ARHGEF10: variants seen among roughly 807,000 people sequenced by gnomAD.
ARHGEF10 encodes Rho guanine nucleotide exchange factor (GEF) 10.
A neutral mutation model predicts 147.4 loss-of-function variants in ARHGEF10; 140 were observed. The ratio of observed to expected loss-of-function variants is 0.95; its 90% confidence interval spans 0.83 to 1.09. The LOEUF (loss-of-function observed/expected upper bound fraction) is 1.09. Among genes scored for constraint, ARHGEF10 ranks in the 50% least tolerant of loss-of-function variants. ARHGEF10 has a pLI of 0.00. For missense variants in ARHGEF10, 2,222 were observed against 1,752.7 expected (o/e 1.27, Z -4.78); for synonymous variants, 902 against 695.8 (o/e 1.30, Z -4.67).
rs1563162040 is a variant in ARHGEF10 at position 1,842,006 on chromosome 8, TGGGG to T, written c.-47-1346_-47-1343del. 3.7e-3 allele frequency among the ~76,000 whole-genome samples: 273 copies of T among 73,408 alleles called. 16 individuals carry two copies. Among genetic ancestry groups the T allele is most frequent in the East Asian group, 0.014 (32 of 2,348 alleles). The allele number at this position is 73,408 out of a possible 152,430, so 48.2% of individuals were successfully genotyped here. The stretch of plus-strand genomic sequence containing the variant: ...CGGGAACTGGGGCCGCGGCGGGAAC[TGGGG>T]CCGCGGCGGGAACTGGGGCCGCGGC... On this transcript the variant is annotated intron_variant, in intron 1 of 28. Coordinates refer to ENST00000349830, the MANE Select transcript of ARHGEF10 (RefSeq NM_014629.4).
chr8:1,839,975 A>G (rs1168252910), intron 1 of ARHGEF10, among the ~76,000 whole-genome samples: 12 of 90,062 alleles, frequency 1.3e-4, no homozygotes, highest in East Asian at 3.6e-4. Flanking sequence ...TCTGGTGTGG[A>G]AGCTGTCTGG....
At chr8:1,859,217 C>G (rs1488328802) in intron 3 of ARHGEF10, among the ~76,000 whole-genome samples, 1 of 151,784 alleles carries the variant, frequency 6.6e-6, no homozygotes, top group African/African-American at 2.4e-5. Context: ...TTGGCCATAG[C>G]ACCTGCCTCT....
At position 1,913,983 on chromosome 8, in the gene ARHGEF10, G is replaced by A. The variant is rs978642903; in HGVS notation, c.2143+4513G>A. Among the ~76,000 whole-genome samples the A allele has an allele frequency of 7.2e-5, 11 of 152,194 alleles. No individual in the cohort carries two copies. In the South Asian group the frequency reaches 1.2e-3, roughly 17 times the overall value. ...CTTCCAGGCAAACGCGGAAAGGGTCGTGGGTGAGGTCACAGAGTTGAGGGA... is the reference window on the plus strand; with the variant it reads ...CTTCCAGGCAAACGCGGAAAGGGTCATGGGTGAGGTCACAGAGTTGAGGGA... On this transcript the variant is annotated intron_variant, in intron 18 of 28. Coordinates refer to ENST00000349830, the MANE Select transcript of ARHGEF10 (RefSeq NM_014629.4).
At chr8:1,864,084 G>A (rs1166100244) in intron 4 of ARHGEF10, among the ~76,000 whole-genome samples, 3 of 151,956 alleles carry the variant, frequency 2.0e-5, no homozygotes, top group South Asian at 2.1e-4. Flanking sequence ...ATGTGGAGTG[G>A]GAGAGAACAT....
chr8:1,873,911 G>T (rs908788791), intron 7 of ARHGEF10, among the ~76,000 whole-genome samples: 1 of 151,946 alleles, frequency 6.6e-6, no homozygotes, highest in Non-Finnish European at 1.5e-5. Flanking sequence ...CTTTCGGTCA[G>T]TTCAGCACGT....
chr8:1,933,891 G>C lies in ARHGEF10; in HGVS notation c.3171G>C (p.Ala1057=), dbSNP rs150276005. Reference sequence around the variant, plus strand: ...TCATGATGGAAGACACGTTGTGGGCGGCTTCCGGAGGTCAAGTCTTCATCA... The same window carrying C: ...TCATGATGGAAGACACGTTGTGGGCCGCTTCCGGAGGTCAAGTCTTCATCA... ...SLLMMEDTLW[A]ASGGQVFIIS... Residue 1057 remains alanine (A), a synonymous_variant, in exon 26 of 29, where the codon GCG becomes GCC. Transcript: ENST00000349830. The C allele has an allele frequency of 2.5e-6, 4 of 1,614,062 alleles. No individual in the cohort carries two copies. Among genetic ancestry groups the C allele is most frequent in the Non-Finnish European group, 3.4e-6 (4 of 1,180,044 alleles).
At chr8:1,935,836 G>A (rs996533258) in intron 26 of ARHGEF10, among the ~76,000 whole-genome samples, 2 of 152,250 alleles carry the variant, frequency 1.3e-5, no homozygotes, top group African/African-American at 2.4e-5. Context: ...GCGGGAGGAG[G>A]CCCAAACTCT....
At chr8:1,859,756 C>G (rs752403099) in intron 3 of ARHGEF10, 141 bp from the exon 4 acceptor site, 3 of 1,030,504 alleles carry the variant, frequency 2.9e-6, no homozygotes, top group Non-Finnish European at 2.9e-6. Context: ...CCGAGGCCAC[C>G]TGATGACCTG....
intron 4 of ARHGEF10, among the ~76,000 whole-genome samples, chr8:1,863,787 C>T (rs1806351035): frequency 6.6e-6 from 1 of 152,074 alleles, no homozygotes; most frequent in Non-Finnish European, 1.5e-5. Context: ...TCACCGTTCA[C>T]CCTGGAGAGC....
At chr8:1,949,693 A>G (rs1585655805) in intron 27 of ARHGEF10, among the ~76,000 whole-genome samples, 1 of 152,116 alleles carries the variant, frequency 6.6e-6, no homozygotes, top group Non-Finnish European at 1.5e-5. Context: ...AAAACGTGTA[A>G]CTTTTCTGAA....
At position 1,832,901 on chromosome 8, in the gene ARHGEF10, CAG is replaced by C. The variant is rs1456795550; in HGVS notation, c.-48+8794_-48+8795del. On this transcript the variant is annotated intron_variant, in intron 1 of 28. Transcript: ENST00000349830. ...AGAGAGACAGAGGCAGACGCAGAGA[CAG>C]AGAGACAGACAGAGGCAGAGACAGA... is the stretch of plus-strand genomic sequence containing the variant. Among the ~76,000 whole-genome samples, 514 of 62,066 alleles carry C rather than the reference CAG, an allele frequency of 8.3e-3. 98 individuals are homozygous for C. The highest frequency in any genetic ancestry group is 0.032 in the African/African-American group (455 of 14,086). The allele number at this position is 62,066 out of a possible 152,430, so 40.7% of individuals were successfully genotyped here. A position where few individuals can be genotyped will look rare whatever the true frequency, so the allele number is the denominator to read the frequency against.
In ARHGEF10 at chr8:1,910,642, G is replaced by C. The variant is rs567828640; in HGVS notation, c.2143+1172G>C. ...CCGAGGGAGAGGGGACATGGGGACA[G>C]AGAAATCATTTCTGACATGATTCAT... On this transcript the variant is annotated intron_variant, in intron 18 of 28. Transcript: ENST00000349830. Among the ~76,000 whole-genome samples, 13 of 152,296 alleles carry C rather than the reference G, an allele frequency of 8.5e-5. No homozygotes were observed. The South Asian group carries it at 2.7e-3, about 32-fold the overall frequency.
intron 1 of ARHGEF10, among the ~76,000 whole-genome samples, chr8:1,834,008 C>G (rs1001064809): frequency 6.6e-6 from 1 of 152,220 alleles, no homozygotes; most frequent in Non-Finnish European, 1.5e-5. Flanking sequence ...AGCTCCAGCC[C>G]TCCCGGGGAA....
intron 9 of ARHGEF10, among the ~76,000 whole-genome samples, chr8:1,882,187 G>A (rs897219551): frequency 6.6e-6 from 1 of 152,240 alleles, no homozygotes; most frequent in Non-Finnish European, 1.5e-5. Context: ...GTAACCATGC[G>A]TGTGAGGCGG....
At position 1,860,170 on chromosome 8, in the gene ARHGEF10, C is replaced by G. The variant is rs1374200557; in HGVS notation, c.467C>G (p.Ser156Cys). 6.2e-7 allele frequency: 1 copy of G among 1,613,206 alleles called. No individual in the cohort carries two copies. The highest frequency in any genetic ancestry group is 1.1e-5 in the South Asian group (1 of 91,064). ...AGCCCGGTCATCATCTGCGCCACGT[C>G]CCTGGACGAAGAAGGTACTGCTACC... Reference protein sequence around the residue: ...YSSPVIICATSLDEEETPEVT... With the variant: ...YSSPVIICATCLDEEETPEVT... Residue 156 changes from serine to cysteine, a missense_variant, in exon 4 of 29, where the codon TCC (serine) becomes TGC (cysteine). Coordinates refer to ENST00000349830, the MANE Select transcript of ARHGEF10 (RefSeq NM_014629.4).
intron 18 of ARHGEF10, among the ~76,000 whole-genome samples, chr8:1,915,071 T>C (rs1367757202): frequency 1.3e-5 from 2 of 152,084 alleles, no homozygotes; most frequent in African/African-American, 4.8e-5. Context: ...CTCTGTGTCC[T>C]GTGCCCCTGT....
intron 11 of ARHGEF10, among the ~76,000 whole-genome samples, chr8:1,892,964 G>A (rs1411989685): frequency 1.3e-5 from 2 of 152,054 alleles, no homozygotes; most frequent in South Asian, 2.1e-4. Flanking sequence ...GGAAAATAAC[G>A]TCAGGTTTTG....
At chr8:1,911,701 T>C (rs1298956499) in intron 18 of ARHGEF10, among the ~76,000 whole-genome samples, 1 of 152,174 alleles carries the variant, frequency 6.6e-6, no homozygotes, top group East Asian at 1.9e-4. Context: ...GTCTATGTGG[T>C]ATCACATCCA....
intron 26 of ARHGEF10, among the ~76,000 whole-genome samples, chr8:1,943,109 T>C (rs1814243728): frequency 6.6e-6 from 1 of 152,232 alleles, no homozygotes; most frequent in African/African-American, 2.4e-5. Context: ...AGCTGAGAAG[T>C]TAGCAGAAGT....
Sources: gnomAD v4.1 joint callset for allele counts (sites outside exome capture counted in the v4.1 genomes callset) on GRCh38, gnomAD v4.1.1 for gene constraint, MANE v1.5 for transcripts, NCBI Gene and HGNC (gene_info 2026-07-23, HGNC 2026-07-21) for gene names.